The following ZNF621 variants were observed in gnomAD, a reference collection of about 807,000 sequenced individuals.
ZNF621 encodes the protein zinc finger protein 621.
In ZNF621, 6 loss-of-function variants were observed where a neutral mutation model predicts 12.7. That is an observed-to-expected ratio of 0.47 (90% CI 0.26 to 0.93). The LOEUF is 0.93. ZNF621 is among the 40% of genes least tolerant of loss of function. The probability of loss-of-function intolerance (pLI) is 0.15; values close to 1 mark genes in which losing one functional copy is unlikely to be tolerated. For synonymous variants in ZNF621, 156 were observed against 190.3 expected, an observed-to-expected ratio of 0.82 and a Z score of 1.48; for missense variants, 474 against 524.0, an observed-to-expected ratio of 0.90 and a Z score of 0.93.
Position 40,533,290 on chromosome 3 carries a change from C to A in ZNF621, c.*200C>A. 2 of 815,062 alleles carry A rather than the reference C, an allele frequency of 2.5e-6. No individual in the cohort carries two copies. Among genetic ancestry groups the A allele is most frequent in the East Asian group, 2.9e-5 (1 of 34,728 alleles). The allele number at this position is 815,062 out of a possible 1,614,324, so 50.5% of individuals were successfully genotyped here. A position where few individuals can be genotyped will look rare whatever the true frequency, so the allele number is the denominator to read the frequency against. On this transcript the variant is annotated 3_prime_UTR_variant, in exon 5 of 5. Transcript: ENST00000339296. ...CGAATAGCTGGGATTACAGGCACGC[C>A]TCACCACGCCCAGCTAATTTCTGTA... is the stretch of plus-strand genomic sequence containing the variant.
At position 40,532,594 on chromosome 3, in the gene ZNF621, G is replaced by A; in HGVS notation, c.824G>A (p.Arg275Lys). The A allele has an allele frequency of 6.2e-7, 1 of 1,613,720 alleles. No individual in the cohort carries two copies. The highest frequency in any genetic ancestry group is 8.5e-7 in the Non-Finnish European group (1 of 1,179,936). Residue 275 changes from arginine to lysine, a missense_variant, in exon 5 of 5, where the codon AGG (arginine) becomes AAG (lysine). Physicochemically the swap from Arg to Lys is conservative, Grantham distance 26. Coordinates refer to ENST00000339296, the MANE Select transcript of ZNF621 (RefSeq NM_198484.5). ...GAATGTTGGAAAGCTTTCGGTTGTA[G>A]GTCACTTTTTATTGTCCATCAGAGA... is the stretch of plus-strand genomic sequence containing the variant. The part of the protein sequence containing the change: ...CKECWKAFGC[R>K]SLFIVHQRIH...
intron 4 of ZNF621, among the ~76,000 whole-genome samples, chr3:40,531,048 T>C (rs910628961): frequency 1.3e-5 from 2 of 152,256 alleles, no homozygotes; most frequent in Non-Finnish European, 2.9e-5. Flanking sequence ...CTTTTGTATA[T>C]AGTGGTTCCT....
Position 40,537,048 on chromosome 3 carries a change from T to G in ZNF621, c.*3958T>G, listed in dbSNP as rs1459056752. ...CCATCTCTCTCCCTCTCCTCAGACC[T>G]CACTATTCTCTCAGACACAACAGTA... On this transcript the variant is annotated 3_prime_UTR_variant, in exon 5 of 5. Transcript: ENST00000339296. The G allele has an allele frequency of 6.6e-6, 1 of 152,214 alleles. No homozygotes were observed. The highest frequency in any genetic ancestry group is 1.5e-5 in the Non-Finnish European group (1 of 68,064). 9.4% of individuals were successfully genotyped at this position (152,214 alleles called of 1,614,324 possible).
Position 40,539,320 on chromosome 3 carries a change from C to G in ZNF621, c.*6230C>G, listed in dbSNP as rs1210583093. 6.6e-6 allele frequency: 1 copy of G among 152,246 alleles called. No homozygotes were observed. Among genetic ancestry groups the G allele is most frequent in the Non-Finnish European group, 1.5e-5 (1 of 68,068 alleles). 9.4% of individuals were successfully genotyped at this position (152,246 alleles called of 1,614,324 possible). On this transcript the variant is annotated 3_prime_UTR_variant, in exon 5 of 5. Coordinates refer to ENST00000339296, the MANE Select transcript of ZNF621 (RefSeq NM_198484.5). ...TCTCTAGAGCCACACTAACCTTCAG[C>G]AACCACCACACCGATCATTCAGCAG...
chr3:40,533,141 A>G lies in ZNF621; in HGVS notation c.*51A>G. The G allele has an allele frequency of 6.6e-7, 1 of 1,513,878 alleles. No homozygotes were observed. Among genetic ancestry groups the G allele is most frequent in the Non-Finnish European group, 8.9e-7 (1 of 1,129,926 alleles). 93.8% of individuals were successfully genotyped at this position (1,513,878 alleles called of 1,614,324 possible). On this transcript the variant is annotated 3_prime_UTR_variant, in exon 5 of 5. Transcript: ENST00000339296. ...CTTATGCCTAGCAAATCTCCAGCCT[A>G]ATTTTATATATTTTTTTGAGAAAGG...
At chr3:40,530,723 C>T (rs529791783) in intron 4 of ZNF621, among the ~76,000 whole-genome samples, 2 of 152,292 alleles carry the variant, frequency 1.3e-5, no homozygotes, top group South Asian at 2.1e-4. Flanking sequence ...TACTTTAGGC[C>T]TTCAGCCCTG....
In ZNF621 at chr3:40,532,395, T is replaced by C; in HGVS notation, c.625T>C (p.Cys209Arg). 6.2e-7 allele frequency: 1 copy of C among 1,613,588 alleles called. No individual in the cohort carries two copies. The highest frequency in any genetic ancestry group is 1.7e-5 in the Admixed American group (1 of 60,010). Reference protein sequence around the residue: ...KNHIGEGPYECKECGKGLSSN... With the variant: ...KNHIGEGPYERKECGKGLSSN... Reference sequence around the variant, plus strand: ...CCACATTGGAGAAGGGCCCTATGAATGTAAGGAGTGTGGCAAAGGTTTGAG... The same window carrying C: ...CCACATTGGAGAAGGGCCCTATGAACGTAAGGAGTGTGGCAAAGGTTTGAG... Residue 209 changes from cysteine (C) to arginine (R), a missense_variant, in exon 5 of 5, where the codon TGT becomes CGT. Physicochemically the swap from Cys to Arg is radical, Grantham distance 180 (BLOSUM62 -3). Transcript: ENST00000339296.
intron 2 of ZNF621, among the ~76,000 whole-genome samples, chr3:40,528,885 T>G (rs2125673489): frequency 6.6e-6 from 1 of 152,366 alleles, no homozygotes; most frequent in East Asian, 1.9e-4. Context: ...TAATAGTGCT[T>G]TATCAGATAT....
chr3:40,525,530 C>T, intron 1 of ZNF621: 1 of 578,882 alleles, frequency 1.7e-6, no homozygotes, highest in East Asian at 3.0e-5. Context: ...TCTTGGGTCC[C>T]TCAGTTTACC....
At chr3:40,529,871 C>T (rs1268729771) in intron 3 of ZNF621, among the ~76,000 whole-genome samples, 1 of 152,122 alleles carries the variant, frequency 6.6e-6, no homozygotes, top group Non-Finnish European at 1.5e-5. Flanking sequence ...CTTTCTGGCA[C>T]CCTAAGTGAG....
Position 40,534,093 on chromosome 3 carries a change from A to T in ZNF621, c.*1003A>T, listed in dbSNP as rs955877366. The T allele has an allele frequency of 2.6e-5, 4 of 151,710 alleles. No individual in the cohort carries two copies. The South Asian group carries it at 8.4e-4, about 32-fold the overall frequency. The allele number at this position is 151,710 out of a possible 1,614,324, so 9.4% of individuals were successfully genotyped here. A position where few individuals can be genotyped will look rare whatever the true frequency, so the allele number is the denominator to read the frequency against. On this transcript the variant is annotated 3_prime_UTR_variant, in exon 5 of 5. Coordinates refer to ENST00000339296, the MANE Select transcript of ZNF621 (RefSeq NM_198484.5). ...CATCTTTGTTGAATCTGTTGTGCAGATTTTTCTTGATGAGCATTCTGTTTT... is the reference window on the plus strand; with the variant it reads ...CATCTTTGTTGAATCTGTTGTGCAGTTTTTTCTTGATGAGCATTCTGTTTT...
At chr3:40,523,997 C>CA (rs1334270405), upstream of ZNF621, among the ~76,000 whole-genome samples, 1 of 152,174 alleles carries the variant, frequency 6.6e-6, no homozygotes, top group Non-Finnish European at 1.5e-5. Context: ...GGTTGATTTT[C>CA]AGAGTACGTG....
Position 40,533,746 on chromosome 3 carries a change from A to G in ZNF621, c.*656A>G, listed in dbSNP as rs1408098703. ...GATAAGCAGCCTGGGAGAAACATAC[A>G]AGACCTGTGGCTACTGGTAGAGAAT... On this transcript the variant is annotated 3_prime_UTR_variant, in exon 5 of 5. Coordinates refer to ENST00000339296, the MANE Select transcript of ZNF621 (RefSeq NM_198484.5). 6.5e-6 allele frequency: 1 copy of G among 152,682 alleles called. No homozygotes were observed. The highest frequency in any genetic ancestry group is 2.4e-5 in the African/African-American group (1 of 41,432). The allele number at this position is 152,682 out of a possible 1,614,324, so 9.5% of individuals were successfully genotyped here.
chr3:40,530,356 C>A, intron 4 of ZNF621, 40 bp downstream of exon 4: 1 of 1,549,584 alleles, frequency 6.5e-7, no homozygotes, highest in Non-Finnish European at 8.9e-7. Flanking sequence ...CTTGTTTTGC[C>A]TTCCTGGTTT....
At position 40,537,403 on chromosome 3, in the gene ZNF621, A is replaced by G. The variant is rs573608361; in HGVS notation, c.*4313A>G. On this transcript the variant is annotated 3_prime_UTR_variant, in exon 5 of 5. Transcript: ENST00000339296. ...GATCCCCTGAAGCCAGGAGTCCGAG[A>G]CCAGCTTGGGCCACAAAGTGAGACC... The G allele has an allele frequency of 6.6e-6, 1 of 152,372 alleles. No individual in the cohort carries two copies. The highest frequency in any genetic ancestry group is 2.1e-4 in the South Asian group (1 of 4,824). 9.4% of individuals were successfully genotyped at this position (152,372 alleles called of 1,614,324 possible).
rs757511659 is a variant in ZNF621 at position 40,530,333 on chromosome 3, A to C, written c.259+17A>C. On this transcript the variant is annotated intron_variant, in intron 4 of 4. Coordinates refer to ENST00000339296, the MANE Select transcript of ZNF621 (RefSeq NM_198484.5). Reference sequence around the variant, plus strand: ...TCAGTCAAGGTGAGTATGAGAATCCAGTGGTGAAGTTTCTTGTTTTGCCTT... The same window carrying C: ...TCAGTCAAGGTGAGTATGAGAATCCCGTGGTGAAGTTTCTTGTTTTGCCTT... 42 of 1,601,780 alleles carry C rather than the reference A, an allele frequency of 2.6e-5. No individual in the cohort carries two copies. The highest frequency in any genetic ancestry group is 3.6e-5 in the Non-Finnish European group (42 of 1,170,544).
intron 3 of ZNF621, chr3:40,529,690 A>G (rs1300521141): frequency 4.8e-6 from 5 of 1,033,164 alleles, no homozygotes; most frequent in Non-Finnish European, 5.4e-6. Flanking sequence ...TGGCATAGCC[A>G]TGGCTCACTG....
chr3:40,531,137 G>C (rs576564038), intron 4 of ZNF621, among the ~76,000 whole-genome samples: 27 of 152,140 alleles, frequency 1.8e-4, no homozygotes, highest in Non-Finnish European at 3.7e-4. Context: ...TAATCATCTT[G>C]TATCCCTGAA....
At chr3:40,530,183 T>G in intron 3 of ZNF621, 26 bp from the exon 4 acceptor site, 3 of 1,590,294 alleles carry the variant, frequency 1.9e-6, no homozygotes, top group Non-Finnish European at 1.7e-6. Context: ...CTCCCCTCAA[T>G]TTGTCTTTCT....
Sources: gnomAD v4.1 joint callset for allele counts (sites outside exome capture counted in the v4.1 genomes callset) on GRCh38, gnomAD v4.1.1 for gene constraint, MANE v1.5 for transcripts, NCBI Gene and HGNC (gene_info 2026-07-23, HGNC 2026-07-21) for gene names.